The following ROBO1 variants were observed in gnomAD, a reference collection of about 807,000 sequenced individuals.
ROBO1 encodes roundabout homolog 1.
ROBO1 carries 149 observed loss-of-function variants against 195.9 expected under a neutral mutation model. The observed-to-expected ratio is 0.76, with a 90% CI of 0.67 to 0.87. The LOEUF (loss-of-function observed/expected upper bound fraction) is 0.87. ROBO1 is among the 40% of genes least tolerant of loss of function. The probability of loss-of-function intolerance (pLI) is 0.00; values close to 1 mark genes in which losing one functional copy is unlikely to be tolerated. For missense variants in ROBO1, 1,933 were observed against 2,068.3 expected, an observed-to-expected ratio of 0.93 and a Z score of 1.27; for synonymous variants, 816 against 733.2, an observed-to-expected ratio of 1.11 and a Z score of -1.82.
intron 3 of ROBO1, among the ~76,000 whole-genome samples, chr3:79,039,098 A>AAAT (rs1163045641): frequency 3.3e-5 from 5 of 152,328 alleles, no homozygotes; most frequent in Middle Eastern, 3.4e-3. Flanking sequence ...AATGGCCCAG[A>AAAT]AATAATGTAC....
intron 2 of ROBO1, among the ~76,000 whole-genome samples, chr3:79,314,769 G>A (rs952190401): frequency 2.0e-5 from 3 of 152,232 alleles, no homozygotes; most frequent in African/African-American, 7.2e-5. Flanking sequence ...TTCTCACACA[G>A]TATATGTTTT....
intron 4 of ROBO1, among the ~76,000 whole-genome samples, chr3:78,871,688 T>TCATA (rs1416905060): frequency 6.7e-6 from 1 of 149,052 alleles, no homozygotes; most frequent in African/African-American, 2.5e-5. Flanking sequence ...TACTGTCCTT[T>TCATA]CATAGCGCTC....
intron 2 of ROBO1, among the ~76,000 whole-genome samples, chr3:79,422,134 A>C (rs1017085121): frequency 3.4e-5 from 5 of 148,314 alleles, no homozygotes; most frequent in Non-Finnish European, 1.5e-5. Context: ...TATTATATAC[A>C]ATACATATTT....
chr3:78,766,900 G>A (rs2083242099), intron 4 of ROBO1, among the ~76,000 whole-genome samples: 1 of 152,112 alleles, frequency 6.6e-6, no homozygotes. Context: ...TGTTAATTCT[G>A]TTTATATGGT....
chr3:79,572,869 G>A (rs1943325888), intron 2 of ROBO1, among the ~76,000 whole-genome samples: 1 of 151,996 alleles, frequency 6.6e-6, no homozygotes. Context: ...ACACTGCATA[G>A]ACCATGTCTT....
At chr3:78,713,656 A>G (rs1257395142) in intron 8 of ROBO1, among the ~76,000 whole-genome samples, 1 of 152,210 alleles carries the variant, frequency 6.6e-6, no homozygotes, top group Non-Finnish European at 1.5e-5. Context: ...TGGGATTATG[A>G]GAATGAAAAA....
intron 2 of ROBO1, among the ~76,000 whole-genome samples, chr3:79,243,413 T>A (rs367674557): frequency 3.7e-4 from 57 of 152,192 alleles, no homozygotes; most frequent in African/African-American, 1.2e-3. Context: ...CGCCACACTG[T>A]CTTCCACAAT....
chr3:79,069,859 T>C (rs1468798894), intron 3 of ROBO1, among the ~76,000 whole-genome samples: 2 of 151,932 alleles, frequency 1.3e-5, no homozygotes, highest in Non-Finnish European at 2.9e-5. Flanking sequence ...GTTATAATAT[T>C]GTTATGACAA....
At chr3:79,392,411 C>A (rs1182536416) in intron 2 of ROBO1, among the ~76,000 whole-genome samples, 1 of 152,106 alleles carries the variant, frequency 6.6e-6, no homozygotes, top group Non-Finnish European at 1.5e-5. Flanking sequence ...CAGATGGAGT[C>A]TATTTCTGTA....
chr3:79,675,948 T>C (rs1024634435), intron 1 of ROBO1, among the ~76,000 whole-genome samples: 3 of 151,984 alleles, frequency 2.0e-5, no homozygotes, highest in East Asian at 1.9e-4. Flanking sequence ...TAAAAAGGTA[T>C]AGCTTTCTGT....
chr3:78,830,004 C>T (rs550430300), intron 4 of ROBO1, among the ~76,000 whole-genome samples: 7 of 152,104 alleles, frequency 4.6e-5, no homozygotes, highest in African/African-American at 1.4e-4. Flanking sequence ...TTTATATAGC[C>T]GTAATAGGTG....
chr3:78,694,431 C>A (rs551514729), intron 8 of ROBO1, among the ~76,000 whole-genome samples: 28 of 152,222 alleles, frequency 1.8e-4, no homozygotes, highest in Admixed American at 7.8e-4. Flanking sequence ...GATAAAATTT[C>A]TCTTGCATAC....
In ROBO1 at chr3:78,662,076, C is replaced by T. The variant is rs1707445342; in HGVS notation, c.2005G>A (p.Val669Ile). ...ACAGCATTTCCCAGCTCTCTCTGGA[C>T]CTGCTTGTGGTCCACCCCCTGACTT... The part of the protein sequence containing the change: ...PTSQGVDHKQ[V>I]QRELGNAVLH... Residue 669 changes from valine to isoleucine, a missense_variant, in exon 15 of 31, where the codon GTC becomes ATC. This residue lies in a region of ROBO1 where 1,737 missense variants were observed against 1,882.5 expected (regional missense o/e 0.92). Coordinates refer to ENST00000464233, the MANE Select transcript of ROBO1 (RefSeq NM_002941.4). The T allele has an allele frequency of 6.3e-7, 1 of 1,578,424 alleles. No individual in the cohort carries two copies.
chr3:78,629,770 A>G (rs62260387), intron 25 of ROBO1, among the ~76,000 whole-genome samples: 2,783 of 152,184 alleles, frequency 0.018, 32 homozygotes, highest in Non-Finnish European at 0.03. Context: ...TAAACCCCCA[A>G]ATTGGTATCT....
chr3:79,749,958 G>A (rs1277392794), intron 1 of ROBO1, among the ~76,000 whole-genome samples: 2 of 152,188 alleles, frequency 1.3e-5, no homozygotes, highest in African/African-American at 4.8e-5. Context: ...CCAGATCCCA[G>A]AATGGTAGAT....
chr3:79,428,730 C>T (rs1332800274), intron 2 of ROBO1, among the ~76,000 whole-genome samples: 2 of 151,818 alleles, frequency 1.3e-5, no homozygotes, highest in African/African-American at 2.4e-5. Flanking sequence ...AATTGTCCAC[C>T]GAATGGTGAG....
chr3:79,689,296 TTTA>T (rs1415397831), intron 1 of ROBO1, among the ~76,000 whole-genome samples: 1 of 152,052 alleles, frequency 6.6e-6, no homozygotes, highest in Admixed American at 6.6e-5. Context: ...GAAAATCTGT[TTTA>T]TTGTGAAATA....
intron 3 of ROBO1, among the ~76,000 whole-genome samples, chr3:78,985,772 T>C (rs1038267818): frequency 6.6e-6 from 1 of 152,152 alleles, no homozygotes; most frequent in Non-Finnish European, 1.5e-5. Flanking sequence ...TAATTTTTAT[T>C]TATACAGAGC....
chr3:79,443,876 A>G (rs2039143356), intron 2 of ROBO1, among the ~76,000 whole-genome samples: 1 of 152,138 alleles, frequency 6.6e-6, no homozygotes, highest in Admixed American at 6.5e-5. Context: ...AGGGAAAAAA[A>G]CAAAGCATAT....
Sources: gnomAD v4.1 joint callset for allele counts (sites outside exome capture counted in the v4.1 genomes callset) on GRCh38, gnomAD v4.1.1 for gene constraint, gnomAD v4.1.1 regional missense constraint, MANE v1.5 for transcripts, NCBI Gene and HGNC (gene_info 2026-07-23, HGNC 2026-07-21) for gene names.